Variants in MAD1L1 observed in about 807,000 individuals in gnomAD.
MAD1L1 encodes mitotic arrest deficient 1 like 1, also known as mitotic spindle assembly checkpoint protein MAD1.
In MAD1L1, 95 loss-of-function variants were observed where a neutral mutation model predicts 96.9. That is an observed-to-expected ratio of 0.98 (90% CI 0.83 to 1.16). MAD1L1 has a LOEUF of 1.16. MAD1L1 is among the 50% of genes most tolerant of loss of function. The pLI is 0.00. For missense variants in MAD1L1, 1,007 were observed against 954.4 expected (o/e 1.06, Z -0.73); for synonymous variants, 473 against 396.6 (o/e 1.19, Z -2.29).
At chr7:2,066,766 T>A (rs749820200) in intron 12 of MAD1L1, among the ~76,000 whole-genome samples, 7 of 152,168 alleles carry the variant, frequency 4.6e-5, no homozygotes, top group Non-Finnish European at 1.0e-4. Flanking sequence ...TAACTCCTCA[T>A]CACGGCCGGG....
chr7:2,027,460 T>C (rs1783040863), intron 12 of MAD1L1, among the ~76,000 whole-genome samples: 1 of 152,220 alleles, frequency 6.6e-6, no homozygotes, highest in African/African-American at 2.4e-5. Context: ...CTAATTAACG[T>C]ACTGGCAAAC....
At chr7:1,978,260 T>C (rs918220778) in intron 15 of MAD1L1, among the ~76,000 whole-genome samples, 2 of 152,196 alleles carry the variant, frequency 1.3e-5, no homozygotes, top group Admixed American at 6.5e-5. Flanking sequence ...TCTGTCTCAC[T>C]ACACACTACC....
intron 10 of MAD1L1, among the ~76,000 whole-genome samples, chr7:2,196,072 G>T (rs1791970988): frequency 1.3e-5 from 2 of 152,234 alleles, no homozygotes; most frequent in Non-Finnish European, 2.9e-5. Flanking sequence ...TGAGGGCACA[G>T]CTCACCATAC....
chr7:2,070,333 A>G (rs1785064745), intron 11 of MAD1L1, among the ~76,000 whole-genome samples: 1 of 152,222 alleles, frequency 6.6e-6, no homozygotes, highest in Non-Finnish European at 1.5e-5. Context: ...AGTGAGGCGC[A>G]GAGAGGAGAG....
At chr7:1,937,014 C>A in intron 16 of MAD1L1, 117 bp from the exon 17 acceptor site, 1 of 770,670 alleles carries the variant, frequency 1.3e-6, no homozygotes, top group Non-Finnish European at 2.1e-6. Flanking sequence ...ACACACAGCA[C>A]AGTGCTCAGT....
chr7:1,922,045 C>G (rs1193500129), intron 17 of MAD1L1, among the ~76,000 whole-genome samples: 1 of 152,210 alleles, frequency 6.6e-6, no homozygotes, highest in Non-Finnish European at 1.5e-5. Flanking sequence ...GATGAAGAAA[C>G]CAATCAGCCC....
intron 11 of MAD1L1, among the ~76,000 whole-genome samples, chr7:2,108,221 C>G (rs1787195403): frequency 6.6e-6 from 1 of 152,228 alleles, no homozygotes; most frequent in South Asian, 2.1e-4. Context: ...GGCCCCACCT[C>G]ATTATCATAG....
rs955991626 is a variant in MAD1L1, at chr7:2,103,797, G to A, written c.1074-34459C>T. ...GAACCACTGTGCACGGAGTCCCTCCGCATCCCCAGGCAGAGGGACAGTCTC... is the reference window on the plus strand; with the variant it reads ...GAACCACTGTGCACGGAGTCCCTCCACATCCCCAGGCAGAGGGACAGTCTC... On this transcript the variant is annotated intron_variant, in intron 11 of 18. Coordinates refer to ENST00000265854, the MANE Select transcript of MAD1L1 (RefSeq NM_001013836.2). This position sits in a 1 kb window ranked among gnomAD's most constrained non-coding sequence, Gnocchi z 4.3. Among the ~76,000 whole-genome samples, 7 of 152,172 alleles carry A rather than the reference G, an allele frequency of 4.6e-5. No homozygotes were observed. Among genetic ancestry groups the A allele is most frequent in the African/African-American group, 1.2e-4 (5 of 41,450 alleles).
intron 18 of MAD1L1, among the ~76,000 whole-genome samples, chr7:1,875,368 G>A (rs1024100769): frequency 2.6e-5 from 4 of 152,194 alleles, no homozygotes; most frequent in Admixed American, 2.6e-4. Flanking sequence ...CTGGCTGACA[G>A]TCGCCCTCCT....
At position 1,949,703 on chromosome 7, in the gene MAD1L1, A is replaced by G. The variant is rs1043475938; in HGVS notation, c.1596+7926T>C. On this transcript the variant is annotated intron_variant, in intron 16 of 18. Transcript: ENST00000265854. ...TGCTCTCATCCGTTTCTCTGCAGAT[A>G]CGCCCAGGAACCAAAGGACATCGGT... Among the ~76,000 whole-genome samples the G allele has an allele frequency of 4.6e-4, 70 of 152,266 alleles. 1 individual carries two copies. The highest frequency in any genetic ancestry group is 4.4e-5 in the Non-Finnish European group (3 of 68,016).
At chr7:1,908,399 T>C (rs1208391134) in intron 17 of MAD1L1, among the ~76,000 whole-genome samples, 1 of 152,186 alleles carries the variant, frequency 6.6e-6, no homozygotes, top group Non-Finnish European at 1.5e-5. Flanking sequence ...TTTTGTTTTT[T>C]GAGACAGGGT....
chr7:2,186,958 G>A (rs970635857), intron 10 of MAD1L1, among the ~76,000 whole-genome samples: 10 of 151,616 alleles, frequency 6.6e-5, no homozygotes, highest in Admixed American at 2.0e-4. Flanking sequence ...CACGCCCGGC[G>A]AATTTTTTAT....
chr7:2,206,231 T>C (rs1221208097), intron 10 of MAD1L1, among the ~76,000 whole-genome samples: 2 of 152,266 alleles, frequency 1.3e-5, no homozygotes, highest in Non-Finnish European at 2.9e-5. Context: ...TTCTCTATCC[T>C]GGAGCACATC....
chr7:2,018,345 C>T (rs1456437043), intron 12 of MAD1L1, among the ~76,000 whole-genome samples: 2 of 152,210 alleles, frequency 1.3e-5, no homozygotes, highest in Admixed American at 6.5e-5. Context: ...ACACGGAACC[C>T]GCATACACAG....
intron 12 of MAD1L1, among the ~76,000 whole-genome samples, chr7:2,066,818 G>A (rs61668483): frequency 0.082 from 12,518 of 152,296 alleles, 1,647 homozygotes; most frequent in African/African-American, 0.28. Context: ...CACCAGTGTC[G>A]CGTGGGTCAC....
chr7:2,001,941 C>T, intron 14 of MAD1L1, 124 bp downstream of exon 14: 1 of 980,718 alleles, frequency 1.0e-6, no homozygotes, highest in Non-Finnish European at 1.6e-6. Flanking sequence ...AACGCAGCTT[C>T]CGACGACAGA....
chr7:2,188,610 T>C (rs1315592402), intron 10 of MAD1L1, among the ~76,000 whole-genome samples: 3 of 152,200 alleles, frequency 2.0e-5, no homozygotes, highest in Admixed American at 1.3e-4. Context: ...TTTCAACACA[T>C]GGTGCTGGAA....
chr7:1,998,048 T>C (rs140854033), intron 14 of MAD1L1, among the ~76,000 whole-genome samples: 23 of 152,122 alleles, frequency 1.5e-4, no homozygotes, highest in Middle Eastern at 3.4e-3. Flanking sequence ...CTGCGTACGA[T>C]GAATAAGGAA....
At position 1,968,633 on chromosome 7, in the gene MAD1L1, G is replaced by C. The variant is rs982657087; in HGVS notation, c.1506-10914C>G. 1.3e-5 allele frequency among the ~76,000 whole-genome samples: 2 copies of C among 152,216 alleles called. No homozygotes were observed. The highest frequency in any genetic ancestry group is 2.4e-5 in the African/African-American group (1 of 41,442). ...TCCGCTGTCAACGCCTCAGTCCAGC[G>C]GTCAGGTCCACCTGCTGTTGCGTGG... is the stretch of plus-strand genomic sequence containing the variant. On this transcript the variant is annotated intron_variant, in intron 15 of 18. Transcript: ENST00000265854. The surrounding 1 kb of genome is among the most constrained non-coding windows in gnomAD (Gnocchi z 5.6).
Sources: gnomAD v4.1 joint callset for allele counts (sites outside exome capture counted in the v4.1 genomes callset) on GRCh38, gnomAD v4.1.1 for gene constraint, Gnocchi (gnomAD v3.1) non-coding constraint, MANE v1.5 for transcripts, NCBI Gene and HGNC (gene_info 2026-07-23, HGNC 2026-07-21) for gene names.